The following TCF12 variants were observed in gnomAD, a reference collection of about 807,000 sequenced individuals.
TCF12 encodes transcription factor 12.
A neutral mutation model predicts 86.0 loss-of-function variants in TCF12; 45 were observed. That is an observed-to-expected ratio of 0.52 (90% CI 0.41 to 0.67). The LOEUF is 0.67. Among genes scored for constraint, TCF12 ranks in the 30% least tolerant of loss-of-function variants. TCF12 has a pLI of 0.00. For synonymous variants in TCF12, 330 were observed against 299.6 expected, an observed-to-expected ratio of 1.10 and a Z score of -1.05; for missense variants, 881 against 859.9, an observed-to-expected ratio of 1.02 and a Z score of -0.31.
At chr15:57,197,953 T>A (rs569612090) in intron 8 of TCF12, 128 bp downstream of exon 8, 25 of 881,794 alleles carry the variant, frequency 2.8e-5, no homozygotes, top group Non-Finnish European at 4.2e-5. Flanking sequence ...GTTCAGTGCT[T>A]AACAAAATCA....
chr15:57,225,246 T>TTTTTTTTTTTTTTTTG (rs1566943537), intron 8 of TCF12, among the ~76,000 whole-genome samples: 1 of 135,162 alleles, frequency 7.4e-6, no homozygotes, highest in African/African-American at 2.9e-5. Context: ...TTTTTTTTTT[T>TTTTTTTTTTTTTTTTG]TTTTTAAGAC....
At chr15:56,964,906 A>G (rs1298261683) in intron 3 of TCF12, among the ~76,000 whole-genome samples, 1 of 152,166 alleles carries the variant, frequency 6.6e-6, no homozygotes, top group Non-Finnish European at 1.5e-5. Context: ...ACCATAGATA[A>G]TGTCCTGTAT....
intron 5 of TCF12, among the ~76,000 whole-genome samples, chr15:57,140,296 C>T (rs76069377): frequency 0.18 from 27,493 of 152,058 alleles, 2,979 homozygotes; most frequent in Non-Finnish European, 0.24. Flanking sequence ...AATGAGTATG[C>T]TAAGTGAAAT....
intron 12 of TCF12, 136 bp downstream of exon 12, chr15:57,234,243 CG>C (rs1194832245): frequency 2.8e-6 from 2 of 711,362 alleles, no homozygotes; most frequent in African/African-American, 3.5e-5. Context: ...GAGTTATTCT[CG>C]GTTTGTATTG....
At chr15:57,249,575 G>T (rs1174149454) in intron 13 of TCF12, among the ~76,000 whole-genome samples, 1 of 152,086 alleles carries the variant, frequency 6.6e-6, no homozygotes, top group Non-Finnish European at 1.5e-5. Context: ...TATAATTGAT[G>T]AATACACTTA....
intron 19 of TCF12, among the ~76,000 whole-genome samples, chr15:57,279,801 C>G (rs755133704): frequency 5.3e-5 from 8 of 151,426 alleles, no homozygotes; most frequent in Non-Finnish European, 1.2e-4. Context: ...CTCACATTCT[C>G]CTCTTTAAGT....
intron 5 of TCF12, among the ~76,000 whole-genome samples, chr15:57,120,170 A>G (rs539297327): frequency 6.6e-6 from 1 of 152,338 alleles, no homozygotes; most frequent in Admixed American, 6.5e-5. Flanking sequence ...ACTCGGATGT[A>G]CATTGGTAAT....
chr15:57,097,184 A>G (rs1176930972), intron 5 of TCF12, among the ~76,000 whole-genome samples: 2 of 152,168 alleles, frequency 1.3e-5, no homozygotes, highest in African/African-American at 4.8e-5. Flanking sequence ...TCCTAGAGTT[A>G]CAAAATATGT....
At chr15:56,988,968 C>T (rs1202338801) in intron 3 of TCF12, among the ~76,000 whole-genome samples, 1 of 151,972 alleles carries the variant, frequency 6.6e-6, no homozygotes, top group South Asian at 2.1e-4. Context: ...TAAAAGTATA[C>T]TATAATCGTG....
At chr15:56,934,897 A>G (rs1197489426) in intron 3 of TCF12, among the ~76,000 whole-genome samples, 1 of 152,162 alleles carries the variant, frequency 6.6e-6, no homozygotes, top group East Asian at 1.9e-4. Context: ...GAAAAGGGTC[A>G]TGGAACGATT....
intron 5 of TCF12, among the ~76,000 whole-genome samples, chr15:57,106,757 A>G (rs1250214806): frequency 4.6e-5 from 7 of 152,262 alleles, no homozygotes; most frequent in African/African-American, 1.7e-4. Context: ...GAAATGGGCA[A>G]AAGACCTGAA....
At chr15:57,155,166 A>C (rs780122028) in intron 5 of TCF12, among the ~76,000 whole-genome samples, 4 of 152,100 alleles carry the variant, frequency 2.6e-5, no homozygotes, top group Non-Finnish European at 5.9e-5. Context: ...ATTTACTGTT[A>C]CAGAATGTTG....
At chr15:57,119,006 G>A (rs373731689) in intron 5 of TCF12, among the ~76,000 whole-genome samples, 2 of 152,026 alleles carry the variant, frequency 1.3e-5, no homozygotes, top group South Asian at 4.1e-4. Flanking sequence ...AGAATAACTT[G>A]TTTGTTTTAT....
intron 3 of TCF12, among the ~76,000 whole-genome samples, chr15:56,967,546 G>A (rs1296615157): frequency 1.3e-5 from 2 of 152,208 alleles, no homozygotes; most frequent in Admixed American, 6.5e-5. Context: ...AGGACAGGCA[G>A]AACTGTGTCT....
chr15:57,149,890 T>G (rs1223150889), intron 5 of TCF12, among the ~76,000 whole-genome samples: 1 of 152,160 alleles, frequency 6.6e-6, no homozygotes, highest in Admixed American at 6.5e-5. Flanking sequence ...GCTTTTTTAT[T>G]TTTTTCCTTT....
chr15:57,081,514 C>T (rs1216227180), intron 4 of TCF12, among the ~76,000 whole-genome samples: 1 of 152,082 alleles, frequency 6.6e-6, no homozygotes, highest in East Asian at 1.9e-4. Context: ...AATGTATGCT[C>T]ATGCTATTAT....
At chr15:57,102,834 T>C (rs1481669473) in intron 5 of TCF12, among the ~76,000 whole-genome samples, 4 of 152,178 alleles carry the variant, frequency 2.6e-5, no homozygotes, top group Admixed American at 2.6e-4. Flanking sequence ...TGTCAGATTT[T>C]CTCTCTCTGA....
chr15:57,177,608 C>CAGAGAGGGAGAGAGAG (rs2056023625), intron 6 of TCF12, among the ~76,000 whole-genome samples: 1 of 122,962 alleles, frequency 8.1e-6, no homozygotes, highest in African/African-American at 3.1e-5. Flanking sequence ...GTTAAAAGGC[C>CAGAGAGGGAGAGAGAG]AGAGAGAGAG....
intron 3 of TCF12, among the ~76,000 whole-genome samples, chr15:57,014,805 C>T (rs1163430816): frequency 1.3e-5 from 2 of 151,808 alleles, no homozygotes; most frequent in East Asian, 3.9e-4. Flanking sequence ...AGTTTCCCTA[C>T]AGTGGTCCTT....
Sources: gnomAD v4.1 joint callset for allele counts (sites outside exome capture counted in the v4.1 genomes callset) on GRCh38, gnomAD v4.1.1 for gene constraint, MANE v1.5 for transcripts, NCBI Gene and HGNC (gene_info 2026-07-23, HGNC 2026-07-21) for gene names.